VSTM4: variants seen among roughly 807,000 people sequenced by gnomAD.
VSTM4 encodes V-set and transmembrane domain-containing protein 4.
In VSTM4, 20 loss-of-function variants were observed where a neutral mutation model predicts 36.4. The observed-to-expected ratio is 0.55, with a 90% CI of 0.39 to 0.80. The LOEUF is 0.80. Ranked by LOEUF, VSTM4 falls within the 30% of genes least tolerant of loss-of-function variation. VSTM4 has a pLI of 0.00. For missense variants in VSTM4, 392 were observed against 404.5 expected (o/e 0.97, Z 0.26); for synonymous variants, 182 against 173.9 (o/e 1.05, Z -0.37).
intron 7 of VSTM4, among the ~76,000 whole-genome samples, chr10:49,024,353 A>G (rs1843225112): frequency 6.6e-6 from 1 of 152,188 alleles, no homozygotes; most frequent in Admixed American, 6.5e-5. Flanking sequence ...GGATTCTATG[A>G]GCAAGGGGGG....
At chr10:49,071,791 TG>T (rs1844084187) in intron 4 of VSTM4, among the ~76,000 whole-genome samples, 1 of 152,212 alleles carries the variant, frequency 6.6e-6, no homozygotes, top group Non-Finnish European at 1.5e-5. Context: ...GTAAGCAGCC[TG>T]CATACCTTGA....
At chr10:49,041,153 G>A (rs977434434) in intron 7 of VSTM4, among the ~76,000 whole-genome samples, 3 of 152,200 alleles carry the variant, frequency 2.0e-5, no homozygotes, top group African/African-American at 4.8e-5. Flanking sequence ...CTGGCCTCCC[G>A]GGAAAATAAA....
At chr10:49,077,776 G>A (rs961888499) in intron 3 of VSTM4, among the ~76,000 whole-genome samples, 10 of 152,152 alleles carry the variant, frequency 6.6e-5, no homozygotes, top group African/African-American at 2.4e-4. Flanking sequence ...CTTGACACAA[G>A]AGGCACCGTC....
At chr10:49,106,016 T>C (rs1348051657) in intron 2 of VSTM4, among the ~76,000 whole-genome samples, 1 of 152,230 alleles carries the variant, frequency 6.6e-6, no homozygotes, top group African/African-American at 2.4e-5. Context: ...TCATTGGTTT[T>C]CTTGAATTAA....
chr10:49,018,909 G>T lies in VSTM4; in HGVS notation c.*741C>A, dbSNP rs1843140153. 6.6e-6 allele frequency: 1 copy of T among 152,260 alleles called. No homozygotes were observed. The highest frequency in any genetic ancestry group is 1.5e-5 in the Non-Finnish European group (1 of 68,066). The allele number at this position is 152,260 out of a possible 1,614,324, so 9.4% of individuals were successfully genotyped here. A position where few individuals can be genotyped will look rare whatever the true frequency, so the allele number is the denominator to read the frequency against. On this transcript the variant is annotated 3_prime_UTR_variant, in exon 8 of 8. Transcript: ENST00000332853. ...CCAACACCTGTGCTCCTTTGGAAAA[G>T]GGTGAGTAAGCACTTCTTAGAGAGT...
chr10:49,030,413 C>A (rs1843327995), intron 7 of VSTM4, among the ~76,000 whole-genome samples: 1 of 152,170 alleles, frequency 6.6e-6, no homozygotes, highest in Non-Finnish European at 1.5e-5. Flanking sequence ...ACCAAACGCC[C>A]CACCTACTCT....
intron 1 of VSTM4, among the ~76,000 whole-genome samples, chr10:49,114,554 A>C (rs1339485458): frequency 3.3e-5 from 5 of 151,254 alleles, no homozygotes; most frequent in Non-Finnish European, 7.4e-5. Context: ...CACCTCCTTC[A>C]GAGGTTATTG....
intron 2 of VSTM4, among the ~76,000 whole-genome samples, chr10:49,086,264 G>C (rs1458821468): frequency 6.6e-6 from 1 of 152,214 alleles, no homozygotes; most frequent in Admixed American, 6.5e-5. Context: ...ATGCAGTTCA[G>C]TAAAAGCCCC....
At chr10:49,108,222 A>T (rs1182556725) in intron 1 of VSTM4, among the ~76,000 whole-genome samples, 1 of 152,202 alleles carries the variant, frequency 6.6e-6, no homozygotes, top group Non-Finnish European at 1.5e-5. Flanking sequence ...TCCATGTGGG[A>T]TGCTAAACAA....
At chr10:49,075,109 A>G (rs35905744) in intron 4 of VSTM4, among the ~76,000 whole-genome samples, 53,488 of 152,174 alleles carry the variant, frequency 0.35, 10,753 homozygotes, top group African/African-American at 0.55. Flanking sequence ...AAATGGGACC[A>G]TCTGAGGCCC....
At chr10:49,024,640 T>C (rs1015060668) in intron 7 of VSTM4, among the ~76,000 whole-genome samples, 1 of 152,156 alleles carries the variant, frequency 6.6e-6, no homozygotes, top group African/African-American at 2.4e-5. Context: ...ATGAGGTCTA[T>C]GTAATGTTTT....
In VSTM4 at chr10:49,107,718, C is replaced by A; in HGVS notation, c.333G>T (p.Arg111Ser). The stretch of plus-strand genomic sequence containing the variant: ...AGGGCTGCAGTGTCAAGACGGAGAG[C>A]CTGTAGAGCGCCCCCCGCTGCTCCT... ...LLEEQRGALYRLSVLTLQPSD... is the reference protein window; with the variant it reads ...LLEEQRGALYSLSVLTLQPSD... Residue 111 changes from arginine (R) to serine (S), a missense_variant, in exon 2 of 8, where the codon AGG becomes AGT. By Grantham distance (110) the Arg-to-Ser change is moderately radical. Coordinates refer to ENST00000332853, the MANE Select transcript of VSTM4 (RefSeq NM_001031746.5). 6.2e-7 allele frequency: 1 copy of A among 1,614,184 alleles called. No individual in the cohort carries two copies.
chr10:49,041,418 T>C (rs550969336), intron 7 of VSTM4, among the ~76,000 whole-genome samples: 2 of 152,318 alleles, frequency 1.3e-5, no homozygotes, highest in South Asian at 4.1e-4. Flanking sequence ...AAATAAAGAA[T>C]CCTTCTGAAA....
chr10:49,092,054 T>G (rs925838568), intron 2 of VSTM4, among the ~76,000 whole-genome samples: 1 of 152,166 alleles, frequency 6.6e-6, no homozygotes, highest in Non-Finnish European at 1.5e-5. Context: ...ATGCCTTCCC[T>G]TTCCGTGCCT....
At chr10:49,111,391 G>GC (rs539422858) in intron 1 of VSTM4, among the ~76,000 whole-genome samples, 1 of 152,118 alleles carries the variant, frequency 6.6e-6, no homozygotes, top group Admixed American at 6.5e-5. Flanking sequence ...AGTGTACAGG[G>GC]CCCCCGGGAG....
At chr10:49,074,379 T>C (rs1347588804) in intron 4 of VSTM4, among the ~76,000 whole-genome samples, 2 of 152,222 alleles carry the variant, frequency 1.3e-5, no homozygotes, top group Admixed American at 1.3e-4. Flanking sequence ...AGAACAGCTC[T>C]AAGGCCTTGC....
intron 2 of VSTM4, among the ~76,000 whole-genome samples, chr10:49,104,055 T>C (rs1178767039): frequency 3.9e-5 from 6 of 152,110 alleles, no homozygotes; most frequent in Admixed American, 3.9e-4. Flanking sequence ...TCTCAGCACT[T>C]TGGGAGGCCG....
chr10:49,059,958 CATATG>C (rs1466474950), intron 5 of VSTM4, among the ~76,000 whole-genome samples: 1 of 152,236 alleles, frequency 6.6e-6, no homozygotes. Flanking sequence ...CAAATGGAAT[CATATG>C]ATATGTAATT....
intron 2 of VSTM4, among the ~76,000 whole-genome samples, chr10:49,090,441 A>T (rs961438414): frequency 6.6e-6 from 1 of 152,230 alleles, no homozygotes; most frequent in Non-Finnish European, 1.5e-5. Context: ...CAAAGAGGAA[A>T]GCAAGTGCAT....
Sources: gnomAD v4.1 joint callset for allele counts (sites outside exome capture counted in the v4.1 genomes callset) on GRCh38, gnomAD v4.1.1 for gene constraint, MANE v1.5 for transcripts, NCBI Gene and HGNC (gene_info 2026-07-23, HGNC 2026-07-21) for gene names.